Variants in APLF observed in about 807,000 individuals in gnomAD.
APLF encodes the protein aprataxin and PNKP like factor, also known as aprataxin and PNK-like factor.
APLF carries 61 observed loss-of-function variants against 55.6 expected under a neutral mutation model. The observed-to-expected ratio is 1.10, with a 90% CI of 0.89 to 1.36. The LOEUF is 1.36. APLF is among the 40% of genes most tolerant of loss of function. APLF has a pLI of 0.00. For synonymous variants in APLF, 207 were observed against 214.8 expected (o/e 0.96, Z 0.32); for missense variants, 611 against 602.5 (o/e 1.01, Z -0.15).
At chr2:68,568,134 C>A in intron 9 of APLF, 1 of 271,832 alleles carries the variant, frequency 3.7e-6, no homozygotes, top group Non-Finnish European at 5.6e-6. Context: ...TCCTTCTGTC[C>A]TACTTACCTC....
chr2:68,553,380 T>G (rs1573255553), intron 8 of APLF, among the ~76,000 whole-genome samples: 1 of 152,266 alleles, frequency 6.6e-6, no homozygotes, highest in East Asian at 1.9e-4. Flanking sequence ...TTGCTGAAAC[T>G]AAACCAATGT....
At position 68,526,094 on chromosome 2, in the gene APLF, T is replaced by G; in HGVS notation, c.656T>G (p.Ile219Ser). ...NVIQGSGKEE[I>S]CKDKSQLNTT... is the part of the protein sequence containing the mutation. The stretch of plus-strand genomic sequence containing the variant: ...ATCCAGGGAAGTGGAAAAGAAGAAA[T>G]CTGCAAAGATAAATCCCAGCTAAAC... The change falls in exon 6 of 10, where the codon ATC becomes AGC. Residue 219 changes from isoleucine (I) to serine (S), a missense_variant. Physicochemically the swap from Ile to Ser is moderately radical, Grantham distance 142. Coordinates refer to ENST00000303795, the MANE Select transcript of APLF (RefSeq NM_173545.3). The G allele has an allele frequency of 6.2e-7, 1 of 1,613,346 alleles. No individual in the cohort carries two copies. Among genetic ancestry groups the G allele is most frequent in the South Asian group, 1.1e-5 (1 of 90,938 alleles).
chr2:68,520,634 G>T (rs1669870676), intron 5 of APLF, among the ~76,000 whole-genome samples: 1 of 151,814 alleles, frequency 6.6e-6, no homozygotes, highest in Non-Finnish European at 1.5e-5. Context: ...TAAGTATTTG[G>T]CTTTATTTCT....
At chr2:68,472,797 G>A (rs1204909968) in intron 1 of APLF, among the ~76,000 whole-genome samples, 4 of 152,126 alleles carry the variant, frequency 2.6e-5, no homozygotes, top group Non-Finnish European at 5.9e-5. Context: ...ATCACATTAT[G>A]TCAATGATCC....
rs1219575212 is a variant in APLF, at chr2:68,513,534, AG to A, written c.490-12del. The A allele has an allele frequency of 6.2e-7, 1 of 1,607,618 alleles. No individual in the cohort carries two copies. Among genetic ancestry groups the A allele is most frequent in the Non-Finnish European group, 8.5e-7 (1 of 1,176,922 alleles). ...TGTGTGATTATTTTTAGTAATTTAT[AG>A]GTGTCTTTTTAGTCTTTCCTAGGTG... On this transcript the variant is annotated splice_polypyrimidine_tract_variant and intron_variant, in intron 4 of 9. Coordinates refer to ENST00000303795, the MANE Select transcript of APLF (RefSeq NM_173545.3).
chr2:68,508,974 G>T (rs974693960), intron 3 of APLF, among the ~76,000 whole-genome samples: 1 of 152,016 alleles, frequency 6.6e-6, no homozygotes, highest in Non-Finnish European at 1.5e-5. Context: ...ATGGGGAAAG[G>T]ATTCCCTATT....
intron 8 of APLF, among the ~76,000 whole-genome samples, chr2:68,564,496 A>G (rs34795111): frequency 0.084 from 12,787 of 152,142 alleles, 602 homozygotes; most frequent in Middle Eastern, 0.12. Context: ...CTGGCATGTA[A>G]TAAGTATTCT....
chr2:68,550,121 C>G (rs1026020904), intron 8 of APLF, among the ~76,000 whole-genome samples: 13 of 152,130 alleles, frequency 8.5e-5, no homozygotes, highest in Non-Finnish European at 1.5e-4. Flanking sequence ...TTAGTTTCAA[C>G]TTCTGTTCTT....
chr2:68,523,125 G>A (rs932076897), intron 5 of APLF, among the ~76,000 whole-genome samples: 16 of 151,986 alleles, frequency 1.1e-4, no homozygotes, highest in Admixed American at 2.6e-4. Flanking sequence ...TTAAAAAATT[G>A]TCTACTTAGT....
At chr2:68,468,173 A>AG (rs1675492837) in intron 1 of APLF, among the ~76,000 whole-genome samples, 1 of 152,188 alleles carries the variant, frequency 6.6e-6, no homozygotes, top group African/African-American at 2.4e-5. Context: ...CTAATTTTTC[A>AG]GGGGGAATAG....
chr2:68,556,377 T>G (rs1671011267), intron 8 of APLF, among the ~76,000 whole-genome samples: 1 of 152,116 alleles, frequency 6.6e-6, no homozygotes, highest in Non-Finnish European at 1.5e-5. Flanking sequence ...TAAAAAAAGG[T>G]ATCTTGCCTG....
chr2:68,504,056 G>A (rs899277644), intron 3 of APLF, among the ~76,000 whole-genome samples: 7 of 151,810 alleles, frequency 4.6e-5, no homozygotes, highest in Admixed American at 2.0e-4. Flanking sequence ...GAAATATTAC[G>A]TAAAACTTTA....
intron 1 of APLF, among the ~76,000 whole-genome samples, chr2:68,476,145 AGTAATGTTTTTTGT>A (rs1373078004): frequency 9.2e-5 from 14 of 152,096 alleles, no homozygotes; most frequent in East Asian, 7.7e-4. Context: ...TATTGTGTAA[AGTAATGTTTTTTGT>A]GTGTATTATG....
intron 2 of APLF, among the ~76,000 whole-genome samples, chr2:68,491,893 G>A (rs1028715177): frequency 2.6e-5 from 4 of 152,046 alleles, no homozygotes; most frequent in Non-Finnish European, 5.9e-5. Flanking sequence ...ATAGATATCA[G>A]ATTTTCTCTT....
chr2:68,577,801 C>T lies in APLF; in HGVS notation c.1334-19C>T. ...TGAGTGGTGATTGATGTGTTGTGTACCAATCTTCTGTTTTGCAGTGAGAAA... is the reference window on the plus strand; with the variant it reads ...TGAGTGGTGATTGATGTGTTGTGTATCAATCTTCTGTTTTGCAGTGAGAAA... On this transcript the variant is annotated intron_variant, in intron 9 of 9. Coordinates refer to ENST00000303795, the MANE Select transcript of APLF (RefSeq NM_173545.3). The T allele has an allele frequency of 6.2e-7, 1 of 1,612,048 alleles. No homozygotes were observed. The highest frequency in any genetic ancestry group is 8.5e-7 in the Non-Finnish European group (1 of 1,178,816).
In APLF at chr2:68,481,361, A is replaced by AGTTTTGTTTT. The variant is rs56836948; in HGVS notation, c.97-8813_97-8804dup. Among the ~76,000 whole-genome samples the AGTTTTGTTTT allele has an allele frequency of 2.3e-3, 349 of 151,176 alleles. 3 individuals carry two copies. The highest frequency in any genetic ancestry group is 6.9e-3 in the African/African-American group (282 of 41,148). On this transcript the variant is annotated intron_variant, in intron 1 of 9. Transcript: ENST00000303795. ...TTTACTGGGTATCATCTGGGCTGGCAGTTTTGTTTTGTTTTGTTTTGTTTT... is the reference window on the plus strand; with the variant it reads ...TTTACTGGGTATCATCTGGGCTGGCAGTTTTGTTTTGTTTTGTTTTGTTTTGTTTTGTTTT...
At chr2:68,530,631 A>G (rs1466360893) in intron 6 of APLF, among the ~76,000 whole-genome samples, 3 of 152,228 alleles carry the variant, frequency 2.0e-5, no homozygotes, top group East Asian at 1.9e-4. Flanking sequence ...ATAGTAGATC[A>G]ATGTATTGGA....
chr2:68,517,215 G>GAT lies in APLF; in HGVS notation c.622+3543_622+3544dup, dbSNP rs1003220218. Among the ~76,000 whole-genome samples, 8 of 121,966 alleles carry GAT rather than the reference G, an allele frequency of 6.6e-5. No individual in the cohort carries two copies. In the East Asian group the frequency reaches 1.2e-3, roughly 18 times the overall value. The allele number at this position is 121,966 out of a possible 152,430, so 80.0% of individuals were successfully genotyped here. ...ACATAATATATTAATATATGTTATTGATATATATAAATATATTAATATATG... is the reference window on the plus strand; with the variant it reads ...ACATAATATATTAATATATGTTATTGATATATATATAAATATATTAATATATG... On this transcript the variant is annotated intron_variant, in intron 5 of 9. Coordinates refer to ENST00000303795, the MANE Select transcript of APLF (RefSeq NM_173545.3).
At chr2:68,511,313 T>C (rs1677043737) in intron 3 of APLF, among the ~76,000 whole-genome samples, 2 of 151,754 alleles carry the variant, frequency 1.3e-5, no homozygotes, top group Admixed American at 6.6e-5. Context: ...AGTTGATTAC[T>C]CATAGATGTA....
Sources: gnomAD v4.1 joint callset for allele counts (sites outside exome capture counted in the v4.1 genomes callset) on GRCh38, gnomAD v4.1.1 for gene constraint, MANE v1.5 for transcripts, NCBI Gene and HGNC (gene_info 2026-07-23, HGNC 2026-07-21) for gene names.